The following IRAG2 variants were observed in gnomAD, a reference collection of about 807,000 sequenced individuals.
The protein encoded by IRAG2 is inositol 1,4,5-triphosphate receptor associated 2.
A neutral mutation model predicts 69.9 loss-of-function variants in IRAG2; 45 were observed. The ratio of observed to expected loss-of-function variants is 0.64; its 90% CI spans 0.51 to 0.83. IRAG2 has a LOEUF of 0.83. IRAG2 is among the 40% of genes least tolerant of loss of function. The pLI is 0.00. For missense variants in IRAG2, 520 were observed against 587.0 expected (o/e 0.89, Z 1.18); for synonymous variants, 193 against 202.4 (o/e 0.95, Z 0.40).
chr12:25,030,292 A>G, exon 10 of IRAG2: 1 of 1,231,750 alleles, frequency 8.1e-7, no homozygotes, highest in South Asian at 4.1e-5. Context: ...AGTTACACAC[A>G]TATGAGAACA....
chr12:25,036,052 G>A (rs987428465), intron 14 of IRAG2, among the ~76,000 whole-genome samples: 7 of 152,140 alleles, frequency 4.6e-5, no homozygotes, highest in South Asian at 2.1e-4. Flanking sequence ...AGTATCAAAG[G>A]GCTGAAGACA....
chr12:25,033,068 T>G (rs549982285), intron 12 of IRAG2, among the ~76,000 whole-genome samples: 26 of 152,130 alleles, frequency 1.7e-4, no homozygotes, highest in African/African-American at 6.0e-4. Flanking sequence ...GCAATTCTTC[T>G]GTCTCAGTCC....
At chr12:25,098,286 C>T (rs1948543119) in intron 15 of IRAG2, among the ~76,000 whole-genome samples, 2 of 152,186 alleles carry the variant, frequency 1.3e-5, no homozygotes, top group South Asian at 4.1e-4. Context: ...TCCCCTCAAT[C>T]ACCCTCCTTC....
At chr12:25,079,148 C>A in intron 6 of IRAG2, 96 bp from the exon 7 acceptor site, 1 of 1,206,912 alleles carries the variant, frequency 8.3e-7, no homozygotes, top group Non-Finnish European at 1.2e-6. Flanking sequence ...AATATGGGTT[C>A]ATTTAGAATT....
At chr12:25,068,722 A>G (rs976922810) in intron 5 of IRAG2, among the ~76,000 whole-genome samples, 3 of 152,192 alleles carry the variant, frequency 2.0e-5, no homozygotes, top group African/African-American at 7.2e-5. Context: ...TCACTCGGGA[A>G]ATTACAAGGT....
intron 20 of IRAG2, among the ~76,000 whole-genome samples, chr12:25,104,928 GA>G (rs1948953426): frequency 6.6e-6 from 1 of 151,964 alleles, no homozygotes; most frequent in Non-Finnish European, 1.5e-5. Flanking sequence ...ATGAAATTCT[GA>G]ATTGCTATCT....
At chr12:25,004,737 A>G (rs1170552860) in exon 1 of IRAG2, 72 of 1,232,054 alleles carry the variant, frequency 5.8e-5, no homozygotes, top group Non-Finnish European at 6.9e-5. Flanking sequence ...AGAATTATAC[A>G]TCTTTGATGT....
At chr12:25,050,572 G>T (rs1249084136), upstream of IRAG2, among the ~76,000 whole-genome samples, 2 of 144,660 alleles carry the variant, frequency 1.4e-5, no homozygotes, top group Non-Finnish European at 3.0e-5. Flanking sequence ...CAGTTACAGA[G>T]TTTTCTCAAA....
intron 11 of IRAG2, 150 bp downstream of exon 11, chr12:25,088,307 G>A: frequency 1.5e-6 from 1 of 662,208 alleles, no homozygotes; most frequent in South Asian, 1.9e-5. Flanking sequence ...GATTCCATTT[G>A]TGTCATTTTC....
At chr12:25,001,042 A>G (rs1251856310), upstream of IRAG2, among the ~76,000 whole-genome samples, 9 of 152,282 alleles carry the variant, frequency 5.9e-5, no homozygotes, top group East Asian at 1.7e-3. Context: ...AATCTTTATC[A>G]CCCCATCTTA....
intron 9 of IRAG2, among the ~76,000 whole-genome samples, chr12:25,029,665 ATG>A (rs549053542): frequency 2.9e-5 from 4 of 138,488 alleles, no homozygotes; most frequent in Non-Finnish European, 4.8e-5. Context: ...TTGTTACAAT[ATG>A]TTTTTTTTTT....
intron 15 of IRAG2, among the ~76,000 whole-genome samples, chr12:25,100,016 A>AAAAAAAAAAAAC (rs1948661256): frequency 6.7e-6 from 1 of 150,288 alleles, no homozygotes; most frequent in Non-Finnish European, 1.5e-5. Context: ...AAAAAAAAAA[A>AAAAAAAAAAAAC]AAAAAAAAAT....
intron 16 of IRAG2, among the ~76,000 whole-genome samples, chr12:25,044,909 A>G (rs1944780217): frequency 6.6e-6 from 1 of 152,120 alleles, no homozygotes; most frequent in Non-Finnish European, 1.5e-5. Context: ...ACTAGAGAGT[A>G]AATGGACCTA....
rs1456803159 is a variant in IRAG2, at chr12:25,066,448, CTG to C, written c.-118_-117del. On this transcript the variant is annotated 5_prime_UTR_variant, in exon 5 of 22. Transcript: ENST00000556887. ...AGGTGTAGCCAACCAAATCCACACT[CTG>C]TGTGAAAGGCCCACATATGGAGAAG... is the stretch of plus-strand genomic sequence containing the variant. 2 of 401,078 alleles carry C rather than the reference CTG, an allele frequency of 5.0e-6. No individual in the cohort carries two copies. Among genetic ancestry groups the C allele is most frequent in the African/African-American group, 4.1e-5 (2 of 48,676 alleles). The allele number at this position is 401,078 out of a possible 1,614,324, so 24.8% of individuals were successfully genotyped here.
At chr12:25,006,624 A>G (rs547500667) in intron 2 of IRAG2, among the ~76,000 whole-genome samples, 1 of 152,360 alleles carries the variant, frequency 6.6e-6, no homozygotes, top group South Asian at 2.1e-4. Context: ...ATGCAGGAAC[A>G]GAAAACCAAA....
At chr12:25,063,047 A>G (rs1945726324) in intron 3 of IRAG2, 147 bp downstream of exon 3, 2 of 392,934 alleles carry the variant, frequency 5.1e-6, no homozygotes, top group South Asian at 2.9e-4. Flanking sequence ...GGCAACAGAT[A>G]CGTGTTTTTG....
chr12:25,027,568 G>A (rs1217507298), intron 9 of IRAG2, among the ~76,000 whole-genome samples: 1 of 151,538 alleles, frequency 6.6e-6, no homozygotes, highest in Non-Finnish European at 1.5e-5. Context: ...CTAATTTTTT[G>A]TATTTTTAGT....
At chr12:25,087,472 C>T (rs1947707602) in intron 10 of IRAG2, among the ~76,000 whole-genome samples, 1 of 152,028 alleles carries the variant, frequency 6.6e-6, no homozygotes, top group Non-Finnish European at 1.5e-5. Flanking sequence ...CCTGCCATTT[C>T]CTTCCTATTA....
At chr12:25,073,170 A>T (rs577499761) in intron 6 of IRAG2, among the ~76,000 whole-genome samples, 1 of 152,086 alleles carries the variant, frequency 6.6e-6, no homozygotes, top group East Asian at 1.9e-4. Context: ...CTTCTTTAAG[A>T]CCCTTGTAAT....
Sources: allele counts gnomAD v4.1 joint callset (sites outside exome capture counted in the v4.1 genomes callset), GRCh38; gene constraint gnomAD v4.1.1; transcripts MANE v1.5; gene names NCBI Gene and HGNC (gene_info 2026-07-23, HGNC 2026-07-21).